Variants in ADH4 observed in about 807,000 individuals in gnomAD.
The protein encoded by ADH4 is alcohol dehydrogenase 4 (class II), pi polypeptide.
A neutral mutation model predicts 35.2 loss-of-function variants in ADH4; 31 were observed. The ratio of observed to expected loss-of-function variants is 0.88; its 90% confidence interval spans 0.66 to 1.19. The LOEUF is 1.19. ADH4 is among the 50% of genes most tolerant of loss of function. The pLI, the probability that ADH4 is intolerant of heterozygous loss-of-function variation, is 0.00. For synonymous variants in ADH4, 171 were observed against 160.2 expected, an observed-to-expected ratio of 1.07 and a Z score of -0.51; for missense variants, 476 against 458.3, an observed-to-expected ratio of 1.04 and a Z score of -0.35.
chr4:99,125,952 G>A (rs1729072913), intron 8 of ADH4, among the ~76,000 whole-genome samples: 2 of 152,046 alleles, frequency 1.3e-5, no homozygotes, highest in Non-Finnish European at 2.9e-5. Flanking sequence ...TATTGATCAA[G>A]GCTGTGCTTG....
At chr4:99,125,506 G>C (rs1729059783) in intron 8 of ADH4, among the ~76,000 whole-genome samples, 1 of 152,198 alleles carries the variant, frequency 6.6e-6, no homozygotes, top group Non-Finnish European at 1.5e-5. Flanking sequence ...ATGAATAGAA[G>C]GGTGTGAGGC....
chr4:99,133,628 C>G (rs1286119255), intron 5 of ADH4: 1 of 127,912 alleles, frequency 7.8e-6, no homozygotes, highest in Non-Finnish European at 1.8e-5. Flanking sequence ...GGAAGAACAA[C>G]TCCTGGAAAT....
chr4:99,129,635 C>A (rs34805407), intron 6 of ADH4, among the ~76,000 whole-genome samples: 32,021 of 152,070 alleles, frequency 0.21, 4,041 homozygotes, highest in Non-Finnish European at 0.28. Flanking sequence ...AGCTTTGTCT[C>A]CCCTTGGACA....
chr4:99,141,918 T>C (rs1729637337), intron 2 of ADH4, among the ~76,000 whole-genome samples: 2 of 152,186 alleles, frequency 1.3e-5, no homozygotes, highest in Non-Finnish European at 2.9e-5. Flanking sequence ...ATAAAAGAGA[T>C]AGGATTGGCA....
Position 99,131,551 on chromosome 4 carries a change from C to T in ADH4, c.796G>A (p.Gly266Arg). Residue 266 changes from glycine (G) to arginine (R), a missense_variant, in exon 6 of 9, where the codon GGA becomes AGA. Coordinates refer to ENST00000265512, the MANE Select transcript of ADH4 (RefSeq NM_000670.5). ...IQEVIIELTK[G>R]GVDFALDCAG... Reference sequence around the variant, plus strand: ...CAGTCAAGGGCAAAATCCACACCTCCCTTGGTCAATTCAATGATAACTTCC... The same window carrying T: ...CAGTCAAGGGCAAAATCCACACCTCTCTTGGTCAATTCAATGATAACTTCC... 6.2e-7 allele frequency: 1 copy of T among 1,614,094 alleles called. No individual in the cohort carries two copies. The highest frequency in any genetic ancestry group is 8.5e-7 in the Non-Finnish European group (1 of 1,179,982).
At chr4:99,128,831 ACT>A (rs1240138204) in intron 6 of ADH4, among the ~76,000 whole-genome samples, 1 of 151,542 alleles carries the variant, frequency 6.6e-6, no homozygotes, top group South Asian at 2.1e-4. Context: ...AGGCAGTCTC[ACT>A]CTGTTGCCCA....
In ADH4 at chr4:99,131,447, T is replaced by A. The variant is rs534798716; in HGVS notation, c.843+57A>T. 1.9e-6 allele frequency: 3 copies of A among 1,562,294 alleles called. No homozygotes were observed. In the South Asian group the frequency reaches 3.6e-5, roughly 19 times the overall value. The stretch of plus-strand genomic sequence containing the variant: ...AATAAACATAATCCACTTTCCCCTA[T>A]TATTTGACAGCCAAAGAATACATTG... On this transcript the variant is annotated intron_variant, in intron 6 of 8. Transcript: ENST00000265512.
intron 1 of ADH4, chr4:99,143,229 T>TC (rs1729693850): frequency 2.8e-6 from 2 of 702,110 alleles, no homozygotes; most frequent in Non-Finnish European, 5.2e-6. Context: ...AGTGTGGTCC[T>TC]CGGACAAGCA....
At chr4:99,142,606 G>A in intron 2 of ADH4, 73 bp downstream of exon 2, 1 of 930,050 alleles carries the variant, frequency 1.1e-6, no homozygotes, top group Non-Finnish European at 1.5e-6. Context: ...ATAGCACAGA[G>A]GATTGACCTG....
rs1728983694 is a variant in ADH4 at position 99,123,696 on chromosome 4, A to G, written c.*746T>C. On this transcript the variant is annotated 3_prime_UTR_variant, in exon 9 of 9. Coordinates refer to ENST00000265512, the MANE Select transcript of ADH4 (RefSeq NM_000670.5). ...TCCTCAAGCATTTATTTGTGTTACA[A>G]ACAATCCATTATACTCTTTTAGTCA... 6.6e-6 allele frequency: 1 copy of G among 152,138 alleles called. No homozygotes were observed. Among genetic ancestry groups the G allele is most frequent in the South Asian group, 2.1e-4 (1 of 4,834 alleles). 9.4% of individuals were successfully genotyped at this position (152,138 alleles called of 1,614,324 possible). A position where few individuals can be genotyped will look rare whatever the true frequency, so the allele number is the denominator to read the frequency against.
intron 4 of ADH4, among the ~76,000 whole-genome samples, chr4:99,138,675 T>A (rs7694844): frequency 0.072 from 10,915 of 152,304 alleles, 557 homozygotes; most frequent in South Asian, 0.15. Flanking sequence ...TATGACACTT[T>A]ACTAAATATT....
intron 5 of ADH4, among the ~76,000 whole-genome samples, chr4:99,136,083 A>G (rs1729423162): frequency 1.3e-5 from 2 of 152,120 alleles, no homozygotes; most frequent in African/African-American, 4.8e-5. Flanking sequence ...TGAAGATGGA[A>G]GTGAGTTTCT....
intron 3 of ADH4, among the ~76,000 whole-genome samples, chr4:99,139,721 C>G (rs1729551714): frequency 6.6e-6 from 1 of 152,102 alleles, no homozygotes; most frequent in Non-Finnish European, 1.5e-5. Flanking sequence ...TATTTCAGAA[C>G]TTAATTCTCA....
At chr4:99,143,446 G>C (rs1313786365) in intron 1 of ADH4, 6 of 381,266 alleles carry the variant, frequency 1.6e-5, no homozygotes, top group African/African-American at 1.0e-4. Context: ...TGAATGAACA[G>C]AAATTAAATA....
intron 5 of ADH4, among the ~76,000 whole-genome samples, chr4:99,135,719 A>C (rs1729413477): frequency 6.6e-6 from 1 of 152,196 alleles, no homozygotes; most frequent in Non-Finnish European, 1.5e-5. Context: ...GGGAAAAATG[A>C]AATAATGCAG....
At chr4:99,128,824 C>T (rs566764164) in intron 6 of ADH4, among the ~76,000 whole-genome samples, 4 of 150,354 alleles carry the variant, frequency 2.7e-5, no homozygotes, top group Non-Finnish European at 5.9e-5. Flanking sequence ...TTTTTTGAGG[C>T]AGTCTCACTC....
At chr4:99,142,983 C>T in intron 1 of ADH4, 1 of 626,826 alleles carries the variant, frequency 1.6e-6, no homozygotes, top group Non-Finnish European at 2.8e-6. Context: ...AAGTTAAATT[C>T]TACATTATAG....
intron 4 of ADH4, among the ~76,000 whole-genome samples, chr4:99,137,878 A>G (rs1000451530): frequency 4.6e-5 from 7 of 152,002 alleles, no homozygotes; most frequent in African/African-American, 1.7e-4. Flanking sequence ...CTTTAGGTCC[A>G]CATTTTTGTT....
chr4:99,130,052 C>T (rs1451471792), intron 6 of ADH4, among the ~76,000 whole-genome samples: 2 of 152,046 alleles, frequency 1.3e-5, no homozygotes, highest in Non-Finnish European at 2.9e-5. Context: ...AAAATAATTC[C>T]CATGTTGTCT....
Sources: gnomAD v4.1 joint callset for allele counts (sites outside exome capture counted in the v4.1 genomes callset) on GRCh38, gnomAD v4.1.1 for gene constraint, MANE v1.5 for transcripts, NCBI Gene and HGNC (gene_info 2026-07-23, HGNC 2026-07-21) for gene names.